Variants in DLG2 observed in about 807,000 individuals in gnomAD.
The protein encoded by DLG2 is disks large homolog 2.
A neutral mutation model predicts 132.5 loss-of-function variants in DLG2; 45 were observed. The observed-to-expected ratio is 0.34, with a 90% CI of 0.27 to 0.44. The LOEUF is 0.44. Ranked by LOEUF, DLG2 falls within the 20% of genes least tolerant of loss-of-function variation. DLG2 has a pLI of 1.00. For missense variants in DLG2, 1,045 were observed against 1,196.9 expected (o/e 0.87, Z 1.87); for synonymous variants, 424 against 419.6 (o/e 1.01, Z -0.13).
Position 84,111,080 on chromosome 11 carries a change from T to C in DLG2, c.625-12033A>G, listed in dbSNP as rs2093325103. On this transcript the variant is annotated intron_variant, in intron 9 of 27. Coordinates refer to ENST00000376104, the MANE Select transcript of DLG2 (RefSeq NM_001142699.3). ...CATTACTGCACACAGCACATTGTTT[T>C]GTACTTGTTTATATGTTTATTTTCC... Among the ~76,000 whole-genome samples the C allele has an allele frequency of 2.0e-5, 3 of 152,328 alleles. No homozygotes were observed. The South Asian group carries it at 6.2e-4, about 32-fold the overall frequency.
At chr11:84,609,256 T>A (rs1017698337) in intron 6 of DLG2, among the ~76,000 whole-genome samples, 4 of 152,160 alleles carry the variant, frequency 2.6e-5, no homozygotes, top group African/African-American at 9.6e-5. Flanking sequence ...GGTTTTCTTA[T>A]CTATATATTG....
chr11:83,702,371 T>C (rs1052879662), intron 18 of DLG2, among the ~76,000 whole-genome samples: 1 of 152,214 alleles, frequency 6.6e-6, no homozygotes, highest in African/African-American at 2.4e-5. Context: ...TTTCCTTATC[T>C]ACAAAAAGGT....
intron 19 of DLG2, among the ~76,000 whole-genome samples, chr11:83,588,422 T>C (rs1465075240): frequency 6.6e-6 from 1 of 151,226 alleles, no homozygotes; most frequent in Non-Finnish European, 1.5e-5. Flanking sequence ...CAGCTGAGGG[T>C]CCTCTCTGTT....
chr11:83,840,615 A>G (rs1207350406), intron 16 of DLG2, among the ~76,000 whole-genome samples: 2 of 152,210 alleles, frequency 1.3e-5, no homozygotes, highest in East Asian at 3.8e-4. Flanking sequence ...ATCTTGACAG[A>G]TTCTCTAATT....
intron 6 of DLG2, among the ~76,000 whole-genome samples, chr11:84,692,592 G>A (rs1565677040): frequency 1.3e-5 from 2 of 151,612 alleles, no homozygotes; most frequent in Non-Finnish European, 3.0e-5. Context: ...TCAATTGCAT[G>A]GTTAAATAAA....
At chr11:85,447,882 A>T (rs1165664865) in intron 3 of DLG2, among the ~76,000 whole-genome samples, 3 of 152,174 alleles carry the variant, frequency 2.0e-5, no homozygotes, top group African/African-American at 7.2e-5. Flanking sequence ...AGAAAAGGCA[A>T]TTGTTTCCCA....
In DLG2 at chr11:84,055,488, T is replaced by G. The variant is rs2096483038; in HGVS notation, c.919+3827A>C. On this transcript the variant is annotated intron_variant, in intron 11 of 27. Coordinates refer to ENST00000376104, the MANE Select transcript of DLG2 (RefSeq NM_001142699.3). ...CAAATATGGTGAACAAAGCTAAGCATGATCTGGCCCTTGCTCATCTCAGCC... is the reference window on the plus strand; with the variant it reads ...CAAATATGGTGAACAAAGCTAAGCAGGATCTGGCCCTTGCTCATCTCAGCC... Among the ~76,000 whole-genome samples the G allele has an allele frequency of 2.0e-5, 3 of 152,134 alleles. No homozygotes were observed. The South Asian group carries it at 6.2e-4, about 32-fold the overall frequency.
chr11:85,465,819 C>T (rs1286743725), intron 3 of DLG2, among the ~76,000 whole-genome samples: 1 of 151,430 alleles, frequency 6.6e-6, no homozygotes, highest in South Asian at 2.1e-4. Context: ...GGGTATATAC[C>T]GAGTAATGGG....
chr11:84,520,731 G>A (rs1433479364), intron 7 of DLG2, among the ~76,000 whole-genome samples: 2 of 152,200 alleles, frequency 1.3e-5, no homozygotes, highest in African/African-American at 2.4e-5. Flanking sequence ...AAGTTGAGGT[G>A]GAGGTAGCCA....
intron 3 of DLG2, among the ~76,000 whole-genome samples, chr11:85,368,000 C>A (rs140767999): frequency 3.9e-5 from 6 of 152,068 alleles, no homozygotes; most frequent in Non-Finnish European, 1.5e-5. Flanking sequence ...TTTATATACA[C>A]TATTTTCCTA....
chr11:84,391,385 G>A (rs1001002362), intron 7 of DLG2, among the ~76,000 whole-genome samples: 2 of 152,138 alleles, frequency 1.3e-5, no homozygotes, highest in African/African-American at 4.8e-5. Context: ...TTACTCATTT[G>A]GGGAAGAGGT....
At chr11:85,272,171 G>A (rs749365682) in intron 4 of DLG2, among the ~76,000 whole-genome samples, 5 of 152,050 alleles carry the variant, frequency 3.3e-5, no homozygotes, top group Non-Finnish European at 5.9e-5. Context: ...AGACTTGATG[G>A]TTTTATAAAG....
rs147975755 is a variant in DLG2, at chr11:84,677,314, G to A, written c.358-142583C>T. Among the ~76,000 whole-genome samples, 260 of 152,116 alleles carry A rather than the reference G, an allele frequency of 1.7e-3. 1 individual carries two copies. Among genetic ancestry groups the A allele is most frequent in the African/African-American group, 5.8e-3 (240 of 41,534 alleles). ...TCACTTATACCTGTTTATGAGAGAA[G>A]TTTAAACTTCATAGTCTGGAAACTT... On this transcript the variant is annotated intron_variant, in intron 6 of 27. Transcript: ENST00000376104.
At chr11:85,134,846 TATTTATAGTTAAAAAATATA>T (rs1248162168) in intron 5 of DLG2, among the ~76,000 whole-genome samples, 1 of 152,116 alleles carries the variant, frequency 6.6e-6, no homozygotes, top group East Asian at 1.9e-4. Context: ...GCTCAAAAAA[TATTTATAGTTAAAAAATATA>T]ATTTCTTCTG....
At chr11:84,205,649 G>C (rs2096655932) in intron 8 of DLG2, among the ~76,000 whole-genome samples, 1 of 151,874 alleles carries the variant, frequency 6.6e-6, no homozygotes, top group Admixed American at 6.6e-5. Flanking sequence ...TTGATTTGCA[G>C]CATAATAAAA....
intron 10 of DLG2, among the ~76,000 whole-genome samples, chr11:84,078,772 A>G (rs1043628105): frequency 6.6e-6 from 1 of 152,132 alleles, no homozygotes; most frequent in Non-Finnish European, 1.5e-5. Flanking sequence ...TTTTTATTCC[A>G]TACTTTTTCA....
chr11:84,707,689 T>C (rs539998898), intron 6 of DLG2, among the ~76,000 whole-genome samples: 1 of 151,922 alleles, frequency 6.6e-6, no homozygotes, highest in East Asian at 1.9e-4. Flanking sequence ...ATCTGAAACA[T>C]TTGTCAGCCT....
chr11:84,368,413 C>A (rs766181793), intron 7 of DLG2, among the ~76,000 whole-genome samples: 1 of 151,802 alleles, frequency 6.6e-6, no homozygotes, highest in East Asian at 1.9e-4. Context: ...AATATTCTCC[C>A]AAGGTAAGGA....
chr11:85,604,535 T>C (rs929730148), intron 2 of DLG2, among the ~76,000 whole-genome samples: 11 of 152,310 alleles, frequency 7.2e-5, no homozygotes, highest in African/African-American at 2.4e-4. Context: ...TTTTAATTGA[T>C]GTTCAAATAA....
Sources: gnomAD v4.1 joint callset for allele counts (sites outside exome capture counted in the v4.1 genomes callset) on GRCh38, gnomAD v4.1.1 for gene constraint, MANE v1.5 for transcripts, NCBI Gene and HGNC (gene_info 2026-07-23, HGNC 2026-07-21) for gene names.